Variants in ARFIP1 observed in about 807,000 individuals in gnomAD.
ARFIP1 encodes the protein arfaptin-1.
In ARFIP1, 24 loss-of-function variants were observed where a neutral mutation model predicts 42.5. The observed-to-expected ratio is 0.57, with a 90% CI of 0.41 to 0.80. The LOEUF (loss-of-function observed/expected upper bound fraction) is 0.80, where lower values mean the gene tolerates loss of function less well. Among genes scored for constraint, ARFIP1 ranks in the 30% least tolerant of loss-of-function variants. The pLI, the probability that ARFIP1 is intolerant of heterozygous loss-of-function variation, is 0.00. For synonymous variants in ARFIP1, 141 were observed against 153.7 expected (o/e 0.92, Z 0.61); for missense variants, 354 against 434.0 (o/e 0.82, Z 1.64).
intron 3 of ARFIP1, among the ~76,000 whole-genome samples, chr4:152,865,935 C>T (rs1013886378): frequency 6.6e-6 from 1 of 151,928 alleles, no homozygotes; most frequent in Non-Finnish European, 1.5e-5. Flanking sequence ...TTGGCAGGGT[C>T]ATAGGACAAT....
intron 7 of ARFIP1, chr4:152,883,122 G>A (rs1396377817): frequency 2.4e-6 from 1 of 421,790 alleles, no homozygotes; most frequent in Non-Finnish European, 4.2e-6. Flanking sequence ...TATGCTGGGT[G>A]CCTCTAGTAC....
intron 1 of ARFIP1, chr4:152,796,446 G>C (rs1731475022): frequency 1.4e-6 from 1 of 740,186 alleles, no homozygotes; most frequent in East Asian, 2.5e-5. Context: ...ATAACTTAAT[G>C]CTTCTGTTTC....
chr4:152,884,242 A>T lies in ARFIP1; in HGVS notation c.791+1362A>T, dbSNP rs77588440. 1.4e-3 allele frequency among the ~76,000 whole-genome samples: 219 copies of T among 152,152 alleles called. 1 individual carries two copies. Among genetic ancestry groups the T allele is most frequent in the Middle Eastern group, 3.4e-3 (1 of 294 alleles). ...GGGTGAGGATAGCTGTTAGTAAGAT[A>T]GCCTTCCGTGGAAATCTCTTCAATA... On this transcript the variant is annotated intron_variant, in intron 7 of 8. Coordinates refer to ENST00000353617, the MANE Select transcript of ARFIP1 (RefSeq NM_001025595.3).
chr4:152,783,360 A>C (rs1348037159), intron 1 of ARFIP1, among the ~76,000 whole-genome samples: 1 of 152,216 alleles, frequency 6.6e-6, no homozygotes, highest in Non-Finnish European at 1.5e-5. Flanking sequence ...TTTCCTTTTA[A>C]GGTAATGACA....
Position 152,910,287 on chromosome 4 carries a change from C to G in ARFIP1, c.*68C>G. ...CTAAACCAACCTAACAAGAATTAAGCAGAGTTGGGGGAAGTGGGAGGGGTG... is the reference window on the plus strand; with the variant it reads ...CTAAACCAACCTAACAAGAATTAAGGAGAGTTGGGGGAAGTGGGAGGGGTG... On this transcript the variant is annotated 3_prime_UTR_variant, in exon 9 of 9. Transcript: ENST00000353617. 6.5e-7 allele frequency: 1 copy of G among 1,538,434 alleles called. No homozygotes were observed. The highest frequency in any genetic ancestry group is 1.4e-5 in the African/African-American group (1 of 72,790).
intron 1 of ARFIP1, among the ~76,000 whole-genome samples, chr4:152,828,192 GGTAA>G (rs1445481397): frequency 1.3e-5 from 2 of 152,096 alleles, no homozygotes; most frequent in South Asian, 2.1e-4. Context: ...TTTTTCTGTG[GGTAA>G]GTAAGTTTTC....
intron 1 of ARFIP1, among the ~76,000 whole-genome samples, chr4:152,788,083 A>T (rs1730915929): frequency 6.6e-6 from 1 of 151,958 alleles, no homozygotes; most frequent in Non-Finnish European, 1.5e-5. Flanking sequence ...ACATATACAG[A>T]TTAGCTGGGC....
chr4:152,900,995 T>A (rs1433164903), intron 8 of ARFIP1, among the ~76,000 whole-genome samples: 1 of 152,178 alleles, frequency 6.6e-6, no homozygotes, highest in African/African-American at 2.4e-5. Flanking sequence ...TAATTGCGGT[T>A]TTTGCCATTA....
chr4:152,822,276 G>A (rs1730435633), intron 1 of ARFIP1, among the ~76,000 whole-genome samples: 1 of 58,560 alleles, frequency 1.7e-5, no homozygotes, highest in East Asian at 5.2e-4. Context: ...AGATCAAACA[G>A]ACTATAAAAG....
chr4:152,819,514 A>G (rs984085108), intron 1 of ARFIP1, among the ~76,000 whole-genome samples: 1 of 152,158 alleles, frequency 6.6e-6, no homozygotes, highest in Non-Finnish European at 1.5e-5. Flanking sequence ...GACATTCCCC[A>G]GCACCAGCCT....
In ARFIP1 at chr4:152,796,168, T is replaced by A. The variant is rs573659198; in HGVS notation, c.-10+15942T>A. The A allele has an allele frequency of 2.0e-5, 15 of 755,430 alleles. No homozygotes were observed. In the African/African-American group the frequency reaches 2.4e-4, roughly 12 times the overall value. The allele number at this position is 755,430 out of a possible 1,614,324, so 46.8% of individuals were successfully genotyped here. ...GCCTCCCTGTGTCACAAGGCCCACT[T>A]CACTCACATTTACCTCAGTGACAGT... On this transcript the variant is annotated intron_variant, in intron 1 of 8. Coordinates refer to ENST00000353617, the MANE Select transcript of ARFIP1 (RefSeq NM_001025595.3).
At chr4:152,858,645 T>C (rs1733629580) in intron 2 of ARFIP1, among the ~76,000 whole-genome samples, 1 of 152,226 alleles carries the variant, frequency 6.6e-6, no homozygotes, top group Admixed American at 6.5e-5. Flanking sequence ...TATTTATCTA[T>C]TCAAATATTT....
At chr4:152,800,667 CAT>C (rs1408400989) in intron 1 of ARFIP1, among the ~76,000 whole-genome samples, 1 of 152,108 alleles carries the variant, frequency 6.6e-6, no homozygotes, top group Admixed American at 6.6e-5. Flanking sequence ...AACACTAGAA[CAT>C]ATACCTATTT....
intron 5 of ARFIP1, among the ~76,000 whole-genome samples, chr4:152,878,515 G>A (rs1735554310): frequency 2.0e-5 from 3 of 152,128 alleles, no homozygotes; most frequent in Admixed American, 2.0e-4. Flanking sequence ...GAAATCTGTA[G>A]TACTCTCATT....
intron 5 of ARFIP1, among the ~76,000 whole-genome samples, chr4:152,873,188 T>A (rs1253075642): frequency 6.6e-6 from 1 of 152,240 alleles, no homozygotes; most frequent in African/African-American, 2.4e-5. Flanking sequence ...GGGACAAGAC[T>A]GTAGAATTCG....
At chr4:152,840,387 AT>A (rs1731963396) in intron 2 of ARFIP1, among the ~76,000 whole-genome samples, 1 of 152,026 alleles carries the variant, frequency 6.6e-6, no homozygotes, top group African/African-American at 2.4e-5. Flanking sequence ...TGTCTATCTC[AT>A]TTCTTAGGTC....
chr4:152,910,497 C>A lies in ARFIP1; in HGVS notation c.*278C>A. 1 of 251,788 alleles carries A rather than the reference C, an allele frequency of 4.0e-6. No homozygotes were observed. The highest frequency in any genetic ancestry group is 7.5e-6 in the Non-Finnish European group (1 of 133,244). The allele number at this position is 251,788 out of a possible 1,614,324, so 15.6% of individuals were successfully genotyped here. On this transcript the variant is annotated 3_prime_UTR_variant, in exon 9 of 9. Transcript: ENST00000353617. Reference sequence around the variant, plus strand: ...GATGGCTATTTCTGTAGTTTGAAAACATCTAATAGAGATTTGCACTGACAA... The same window carrying A: ...GATGGCTATTTCTGTAGTTTGAAAAAATCTAATAGAGATTTGCACTGACAA...
At chr4:152,792,712 A>G (rs893704566) in intron 1 of ARFIP1, among the ~76,000 whole-genome samples, 1 of 152,180 alleles carries the variant, frequency 6.6e-6, no homozygotes, top group African/African-American at 2.4e-5. Flanking sequence ...CCTTAAATGC[A>G]TTTAAGAGTG....
intron 1 of ARFIP1, among the ~76,000 whole-genome samples, chr4:152,823,546 C>T (rs1730559473): frequency 6.6e-6 from 1 of 152,016 alleles, no homozygotes; most frequent in South Asian, 2.1e-4. Flanking sequence ...TTTGGGAGGC[C>T]AAGGCAGAGA....
Sources: gnomAD v4.1 joint callset for allele counts (sites outside exome capture counted in the v4.1 genomes callset) on GRCh38, gnomAD v4.1.1 for gene constraint, MANE v1.5 for transcripts, NCBI Gene and HGNC (gene_info 2026-07-23, HGNC 2026-07-21) for gene names.